The following LRRIQ3 variants were observed in gnomAD, a reference collection of about 807,000 sequenced individuals.
LRRIQ3 encodes the protein leucine rich repeats and IQ motif containing 3, also known as leucine-rich repeat and IQ domain-containing protein 3.
LRRIQ3 carries 75 observed loss-of-function variants against 59.3 expected under a neutral mutation model. The observed-to-expected ratio is 1.26, with a 90% CI of 1.05 to 1.53. The LOEUF is 1.53. LRRIQ3 is among the 40% of genes most tolerant of loss of function. The pLI is 0.00. For synonymous variants in LRRIQ3, 250 were observed against 231.3 expected (o/e 1.08, Z -0.73); for missense variants, 831 against 710.0 (o/e 1.17, Z -1.94).
chr1:74,099,091 C>T (rs923365484), intron 5 of LRRIQ3, among the ~76,000 whole-genome samples: 1 of 151,814 alleles, frequency 6.6e-6, no homozygotes, highest in Admixed American at 6.6e-5. Flanking sequence ...ACAAAAAAAA[C>T]CTTCAAAAAA....
At position 74,026,916 on chromosome 1, in the gene LRRIQ3, A is replaced by G. The variant is rs1164679942; in HGVS notation, c.1772T>C (p.Ile591Thr). The change falls in exon 8 of 8, where the codon ATT becomes ACT. Residue 591 changes from isoleucine (I) to threonine (T), a missense_variant. Transcript: ENST00000354431. ...TCTTTCACAGGCTTTTTCAAAGGCA[A>G]TCATATCCATAACAAATTTTTCTTC... ...HCEEKFVMDM[I>T]AFEKACERLQ... 1.3e-6 allele frequency: 2 copies of G among 1,597,434 alleles called. No individual in the cohort carries two copies. The highest frequency in any genetic ancestry group is 2.2e-5 in the South Asian group (2 of 89,570).
intron 3 of LRRIQ3, among the ~76,000 whole-genome samples, chr1:74,177,936 A>G (rs887192288): frequency 2.4e-4 from 37 of 151,926 alleles, no homozygotes; most frequent in African/African-American, 8.5e-4. Flanking sequence ...TTATTCTTAT[A>G]TTTATCAAAG....
At chr1:74,125,659 G>A (rs1646924884) in intron 4 of LRRIQ3, among the ~76,000 whole-genome samples, 1 of 151,868 alleles carries the variant, frequency 6.6e-6, no homozygotes, top group Non-Finnish European at 1.5e-5. Flanking sequence ...CACATTGATT[G>A]ATTTATGTAC....
At chr1:74,053,415 A>G (rs879115759) in intron 6 of LRRIQ3, among the ~76,000 whole-genome samples, 23 of 152,288 alleles carry the variant, frequency 1.5e-4, no homozygotes, top group South Asian at 1.2e-3. Context: ...CTGCCCTGCA[A>G]AAGAGACTAT....
At chr1:74,082,774 AAAGT>A (rs1228677808) in intron 5 of LRRIQ3, 2 of 151,616 alleles carry the variant, frequency 1.3e-5, no homozygotes, top group African/African-American at 2.4e-5. Context: ...TTATATCTCT[AAAGT>A]AAGGCATATT....
chr1:74,068,504 A>G (rs1290472043), intron 6 of LRRIQ3, among the ~76,000 whole-genome samples: 1 of 152,096 alleles, frequency 6.6e-6, no homozygotes, highest in Non-Finnish European at 1.5e-5. Flanking sequence ...GCAGGGGAGC[A>G]CATGGAATAT....
At chr1:74,142,487 T>C (rs1231550965) in intron 4 of LRRIQ3, among the ~76,000 whole-genome samples, 1 of 151,966 alleles carries the variant, frequency 6.6e-6, no homozygotes, top group East Asian at 1.9e-4. Context: ...TAATGTGACT[T>C]TCTGACTTTG....
At chr1:74,038,077 G>C (rs897167718) in intron 7 of LRRIQ3, among the ~76,000 whole-genome samples, 1 of 152,190 alleles carries the variant, frequency 6.6e-6, no homozygotes, top group Non-Finnish European at 1.5e-5. Flanking sequence ...GGGCGGGTAT[G>C]GGGCAGCAGC....
At position 74,103,694 on chromosome 1, in the gene LRRIQ3, A is replaced by C. The variant is rs112870721; in HGVS notation, c.867+5700T>G. Among the ~76,000 whole-genome samples the C allele has an allele frequency of 1.2e-3, 176 of 151,716 alleles. 1 individual carries two copies. The highest frequency in any genetic ancestry group is 3.9e-3 in the African/African-American group (160 of 41,402). On this transcript the variant is annotated intron_variant, in intron 5 of 7. Transcript: ENST00000354431. ...ACTCCTTCACTATTTTCTTAGTATC[A>C]TTTTCTGTTGAACAAGATAAAAAAG...
chr1:74,076,171 AT>A (rs891673213), intron 5 of LRRIQ3, among the ~76,000 whole-genome samples: 1 of 152,136 alleles, frequency 6.6e-6, no homozygotes, highest in Non-Finnish European at 1.5e-5. Context: ...GTGTTTACAT[AT>A]TAAAAAACTT....
chr1:74,176,363 T>G (rs1224331432), intron 3 of LRRIQ3, among the ~76,000 whole-genome samples: 1 of 152,188 alleles, frequency 6.6e-6, no homozygotes, highest in African/African-American at 2.4e-5. Context: ...GGTAAAGTGT[T>G]GTCTTTCTTG....
intron 4 of LRRIQ3, among the ~76,000 whole-genome samples, chr1:74,142,423 G>A (rs1402845374): frequency 6.6e-6 from 1 of 151,874 alleles, no homozygotes; most frequent in African/African-American, 2.4e-5. Context: ...CTTTCCCAAA[G>A]CAGAGTTAAT....
At chr1:74,134,260 T>C (rs1031601420) in intron 4 of LRRIQ3, among the ~76,000 whole-genome samples, 1 of 152,026 alleles carries the variant, frequency 6.6e-6, no homozygotes, top group African/African-American at 2.4e-5. Flanking sequence ...AAAGTCTTTA[T>C]TGATGAAATG....
intron 5 of LRRIQ3, among the ~76,000 whole-genome samples, chr1:74,080,052 T>A (rs371092670): frequency 2.4e-4 from 37 of 151,858 alleles, no homozygotes; most frequent in African/African-American, 7.9e-4. Flanking sequence ...TATCAACTTA[T>A]CAATTTCTGA....
intron 6 of LRRIQ3, among the ~76,000 whole-genome samples, chr1:74,049,370 C>T (rs1654295560): frequency 2.0e-5 from 3 of 151,948 alleles, no homozygotes; most frequent in South Asian, 2.1e-4. Context: ...GAATGTGGAC[C>T]GTAAAATTCT....
At chr1:74,174,021 C>A (rs1359283359) in intron 3 of LRRIQ3, among the ~76,000 whole-genome samples, 1 of 151,992 alleles carries the variant, frequency 6.6e-6, no homozygotes, top group Admixed American at 6.6e-5. Context: ...TATCTACGTG[C>A]AGATTTTTGG....
At chr1:74,108,443 C>T (rs972891332) in intron 5 of LRRIQ3, among the ~76,000 whole-genome samples, 2 of 151,750 alleles carry the variant, frequency 1.3e-5, no homozygotes, top group Admixed American at 1.3e-4. Context: ...TGTTTTTATT[C>T]AATGAATAAC....
intron 5 of LRRIQ3, chr1:74,083,938 A>C (rs955634562): frequency 7.9e-6 from 3 of 380,462 alleles, no homozygotes; most frequent in African/African-American, 4.2e-5. Flanking sequence ...TTGTAATGTT[A>C]GCTTTCTTAT....
rs550516352 is a variant in LRRIQ3, at chr1:74,174,537, C to T, written c.573+8001G>A. 4.4e-4 allele frequency among the ~76,000 whole-genome samples: 61 copies of T among 138,086 alleles called. No homozygotes were observed. In the East Asian group the frequency reaches 0.014, roughly 31 times the overall value. The allele number at this position is 138,086 out of a possible 152,430, so 90.6% of individuals were successfully genotyped here. ...AGCTGAGATTACAGGCACCTGCCATCATGCCTGGCTATTTTTTTTTTTTTT... is the reference window on the plus strand; with the variant it reads ...AGCTGAGATTACAGGCACCTGCCATTATGCCTGGCTATTTTTTTTTTTTTT... On this transcript the variant is annotated intron_variant, in intron 3 of 7. Transcript: ENST00000354431.
Sources: gnomAD v4.1 joint callset for allele counts (sites outside exome capture counted in the v4.1 genomes callset) on GRCh38, gnomAD v4.1.1 for gene constraint, MANE v1.5 for transcripts, NCBI Gene and HGNC (gene_info 2026-07-23, HGNC 2026-07-21) for gene names.